The following CSMD3 variants were observed in gnomAD, a reference collection of about 807,000 sequenced individuals.
CSMD3 encodes the protein CUB and sushi domain-containing protein 3.
In CSMD3, 177 loss-of-function variants were observed where a neutral mutation model predicts 435.2. The observed-to-expected ratio is 0.41, with a 90% CI of 0.36 to 0.46. The LOEUF (loss-of-function observed/expected upper bound fraction) is 0.46. Ranked by LOEUF, CSMD3 falls within the 20% of genes least tolerant of loss-of-function variation. CSMD3 has a pLI of 0.34. For synonymous variants in CSMD3, 1,656 were observed against 1,520.5 expected, an observed-to-expected ratio of 1.09 and a Z score of -2.07; for missense variants, 4,265 against 4,504.6, an observed-to-expected ratio of 0.95 and a Z score of 1.52.
At chr8:113,156,679 T>C (rs912729366) in intron 4 of CSMD3, among the ~76,000 whole-genome samples, 1 of 151,152 alleles carries the variant, frequency 6.6e-6, no homozygotes, top group African/African-American at 2.4e-5. Context: ...GGAAGGTGGA[T>C]CACATGAGCC....
intron 4 of CSMD3, among the ~76,000 whole-genome samples, chr8:113,108,334 A>G (rs1209240250): frequency 1.3e-5 from 2 of 151,746 alleles, no homozygotes; most frequent in East Asian, 3.9e-4. Context: ...AGGCTGATGC[A>G]GGAGAATTGC....
At chr8:112,681,312 A>G (rs1293545228) in intron 16 of CSMD3, among the ~76,000 whole-genome samples, 1 of 151,634 alleles carries the variant, frequency 6.6e-6, no homozygotes, top group Non-Finnish European at 1.5e-5. Context: ...TTGGCCTCCT[A>G]AAGTGCTGGG....
chr8:112,401,397 T>C (rs1226792743), intron 35 of CSMD3, among the ~76,000 whole-genome samples: 1 of 152,116 alleles, frequency 6.6e-6, no homozygotes, highest in African/African-American at 2.4e-5. Flanking sequence ...ATATCTTGCC[T>C]CTTTCTAACT....
At chr8:112,560,732 T>C (rs765017095) in intron 24 of CSMD3, among the ~76,000 whole-genome samples, 8 of 151,606 alleles carry the variant, frequency 5.3e-5, no homozygotes, top group Non-Finnish European at 1.2e-4. Flanking sequence ...ACAGCAGAAG[T>C]AGTACTTTAA....
chr8:113,171,808 T>C (rs151334085), intron 4 of CSMD3, among the ~76,000 whole-genome samples: 250 of 152,306 alleles, frequency 1.6e-3, no homozygotes, highest in South Asian at 2.1e-3. Flanking sequence ...CCAGTTATCC[T>C]GCTTTTTTGT....
intron 3 of CSMD3, among the ~76,000 whole-genome samples, chr8:113,189,555 A>C (rs2092555472): frequency 1.3e-5 from 2 of 151,882 alleles, no homozygotes; most frequent in Admixed American, 6.6e-5. Flanking sequence ...AATCAAGCAT[A>C]TAATTAAATT....
rs549933026 is a variant in CSMD3, at chr8:113,282,310, C to A, written c.402-3606G>T. ...TGTAACTGTTTGCTGATGATATGAT[C>A]GTTTACCTTGAAAACCCTAAGGACT... On this transcript the variant is annotated intron_variant, in intron 2 of 70. Transcript: ENST00000297405. Among the ~76,000 whole-genome samples, 4 of 151,902 alleles carry A rather than the reference C, an allele frequency of 2.6e-5. No homozygotes were observed. The East Asian group carries it at 5.8e-4, about 22-fold the overall frequency.
At chr8:112,509,301 C>A (rs968235663) in intron 28 of CSMD3, among the ~76,000 whole-genome samples, 1 of 152,028 alleles carries the variant, frequency 6.6e-6, no homozygotes, top group Non-Finnish European at 1.5e-5. Flanking sequence ...GTTGCCCAGG[C>A]TGGTCTTGAA....
At chr8:113,096,963 G>GT in intron 5 of CSMD3, among the ~76,000 whole-genome samples, 1 of 152,118 alleles carries the variant, frequency 6.6e-6, no homozygotes, top group Admixed American at 6.5e-5. Context: ...TCTAGACAGA[G>GT]TGTAGGGGTA....
Position 113,037,524 on chromosome 8 carries a change from T to C in CSMD3, c.918-18345A>G, listed in dbSNP as rs558050298. On this transcript the variant is annotated intron_variant, in intron 5 of 70. Transcript: ENST00000297405. ...TTTTTCTAACAATCTACAAGCAAAA[T>C]CTGGTCTATTTTACAAGCAAGATAC... is the stretch of plus-strand genomic sequence containing the variant. Among the ~76,000 whole-genome samples, 29 of 152,220 alleles carry C rather than the reference T, an allele frequency of 1.9e-4. No homozygotes were observed. In the South Asian group the frequency reaches 5.0e-3, roughly 26 times the overall value.
chr8:112,337,418 A>G, intron 43 of CSMD3, 125 bp downstream of exon 43: 1 of 781,264 alleles, frequency 1.3e-6, no homozygotes, highest in South Asian at 1.5e-5. Context: ...GGTTTAAAAA[A>G]TATCTTCAGC....
At chr8:112,679,916 T>G (rs2075850816) in intron 16 of CSMD3, among the ~76,000 whole-genome samples, 1 of 152,178 alleles carries the variant, frequency 6.6e-6, no homozygotes, top group African/African-American at 2.4e-5. Flanking sequence ...CTTAGCATTA[T>G]TTAAAAAGGG....
chr8:112,249,581 A>T (rs1815079179), intron 63 of CSMD3, among the ~76,000 whole-genome samples: 1 of 152,070 alleles, frequency 6.6e-6, no homozygotes, highest in African/African-American at 2.4e-5. Context: ...AGTCAGAGTG[A>T]TCTATGCAAC....
rs180998095 is a variant in CSMD3 at position 113,062,507 on chromosome 8, C to T, written c.917+36249G>A. Among the ~76,000 whole-genome samples, 61 of 151,934 alleles carry T rather than the reference C, an allele frequency of 4.0e-4. No homozygotes were observed. The East Asian group carries it at 0.011, about 28-fold the overall frequency. On this transcript the variant is annotated intron_variant, in intron 5 of 70. Coordinates refer to ENST00000297405, the MANE Select transcript of CSMD3 (RefSeq NM_198123.2). ...GTATTTTGTCTGATTATTTCCACAA[C>T]TGAAATTGTTGGTTTCTACAATAAT...
intron 28 of CSMD3, among the ~76,000 whole-genome samples, chr8:112,510,178 C>T (rs1263232117): frequency 6.6e-6 from 1 of 152,148 alleles, no homozygotes; most frequent in East Asian, 1.9e-4. Context: ...CTCTCTTTCT[C>T]GAATTATTAC....
chr8:113,378,475 A>G (rs968266926), intron 1 of CSMD3, among the ~76,000 whole-genome samples: 8 of 152,206 alleles, frequency 5.3e-5, no homozygotes, highest in Non-Finnish European at 1.0e-4. Flanking sequence ...AGAAAAGAAT[A>G]GTATTTAATC....
chr8:113,410,959 G>A (rs1002424688), intron 1 of CSMD3, among the ~76,000 whole-genome samples: 1 of 105,340 alleles, frequency 9.5e-6, no homozygotes, highest in Non-Finnish European at 2.1e-5. Flanking sequence ...GAAAGAGAAG[G>A]GAGGGAGGGA....
At chr8:112,238,971 A>C (rs10094945) in intron 66 of CSMD3, among the ~76,000 whole-genome samples, 64 of 152,180 alleles carry the variant, frequency 4.2e-4, no homozygotes, top group African/African-American at 1.5e-3. Context: ...AATCTAACTT[A>C]ATAGGTAGAC....
At chr8:112,687,374 T>G (rs1018882180) in intron 14 of CSMD3, among the ~76,000 whole-genome samples, 5 of 152,138 alleles carry the variant, frequency 3.3e-5, no homozygotes, top group Non-Finnish European at 7.4e-5. Context: ...TCATTTAAGT[T>G]TATGATCTCT....
Sources: allele counts gnomAD v4.1 joint callset (sites outside exome capture counted in the v4.1 genomes callset), GRCh38; gene constraint gnomAD v4.1.1; transcripts MANE v1.5; gene names NCBI Gene and HGNC (gene_info 2026-07-23, HGNC 2026-07-21).